The following TPO variants were observed in gnomAD, a reference collection of about 807,000 sequenced individuals.
TPO encodes the protein thyroid microsomal antigen.
A neutral mutation model predicts 96.9 loss-of-function variants in TPO; 78 were observed. That is an observed-to-expected ratio of 0.81 (90% confidence interval 0.67 to 0.97). The LOEUF (loss-of-function observed/expected upper bound fraction) is 0.97. Ranked by LOEUF, TPO falls within the 50% of genes least tolerant of loss-of-function variation. The probability of loss-of-function intolerance (pLI) is 0.00; values close to 1 mark genes in which losing one functional copy is unlikely to be tolerated. For synonymous variants in TPO, 547 were observed against 538.0 expected, an observed-to-expected ratio of 1.02 and a Z score of -0.23; for missense variants, 1,252 against 1,274.8, an observed-to-expected ratio of 0.98 and a Z score of 0.27.
chr2:1,534,527 ACT>A (rs201192215), intron 15 of TPO, among the ~76,000 whole-genome samples: 1 of 68,420 alleles, frequency 1.5e-5, no homozygotes, highest in South Asian at 6.5e-4. Flanking sequence ...AATCCCTCCC[ACT>A]CTGTGCAACC....
chr2:1,461,578 C>T (rs982865319), intron 7 of TPO, among the ~76,000 whole-genome samples: 1 of 152,100 alleles, frequency 6.6e-6, no homozygotes, highest in Non-Finnish European at 1.5e-5. Flanking sequence ...CCCCAGGGCC[C>T]CCTGCCCCAC....
At chr2:1,527,730 A>G (rs539390657) in intron 15 of TPO, among the ~76,000 whole-genome samples, 1 of 85,980 alleles carries the variant, frequency 1.2e-5, no homozygotes, top group African/African-American at 4.9e-5. Flanking sequence ...GTGCAACCTC[A>G]CCAAATTTCT....
chr2:1,504,464 G>A (rs1182783639), intron 14 of TPO, among the ~76,000 whole-genome samples: 2 of 152,174 alleles, frequency 1.3e-5, no homozygotes, highest in Non-Finnish European at 2.9e-5. Flanking sequence ...GCACCCGACT[G>A]CACCCTGACC....
intron 15 of TPO, among the ~76,000 whole-genome samples, chr2:1,523,442 C>T (rs1402152715): frequency 1.4e-5 from 2 of 146,006 alleles, no homozygotes; most frequent in Non-Finnish European, 3.0e-5. Context: ...CCCCAAATTA[C>T]CCCCACTGTG....
At chr2:1,485,875 G>A (rs28913275) in intron 9 of TPO, among the ~76,000 whole-genome samples, 2,251 of 152,048 alleles carry the variant, frequency 0.015, 54 homozygotes, top group African/African-American at 0.051. Flanking sequence ...CTCTGATAGT[G>A]GTTTCTATTG....
chr2:1,409,484 AAG>A (rs1195623636), upstream of TPO, among the ~76,000 whole-genome samples: 3 of 152,130 alleles, frequency 2.0e-5, no homozygotes, highest in Non-Finnish European at 4.4e-5. Flanking sequence ...GAGCTGTAAT[AAG>A]AGTTGGAAGA....
chr2:1,506,460 C>G (rs1335462390), intron 14 of TPO, among the ~76,000 whole-genome samples: 1 of 152,222 alleles, frequency 6.6e-6, no homozygotes, highest in Non-Finnish European at 1.5e-5. Flanking sequence ...AATCGCCACA[C>G]TGCCTTCCAC....
intron 3 of TPO, among the ~76,000 whole-genome samples, chr2:1,428,110 GA>G (rs1664615114): frequency 6.6e-6 from 1 of 152,170 alleles, no homozygotes; most frequent in Admixed American, 6.5e-5. Context: ...TCCCTAATTT[GA>G]GTTTGATTTT....
intron 15 of TPO, among the ~76,000 whole-genome samples, chr2:1,538,680 G>A (rs2125339578): frequency 6.6e-6 from 1 of 152,286 alleles, no homozygotes; most frequent in South Asian, 2.1e-4. Flanking sequence ...TTTTACTTGG[G>A]ATATTGAGAG....
At chr2:1,510,246 A>AGAG (rs1673960994) in intron 14 of TPO, among the ~76,000 whole-genome samples, 1 of 128,896 alleles carries the variant, frequency 7.8e-6, no homozygotes, top group Non-Finnish European at 1.6e-5. Flanking sequence ...ACATTCACAG[A>AGAG]GAGGAGCTCA....
chr2:1,395,178 C>T (rs1366914614), intron 1 of TPO, among the ~76,000 whole-genome samples: 1 of 152,176 alleles, frequency 6.6e-6, no homozygotes, highest in African/African-American at 2.4e-5. Flanking sequence ...GGCAGCTCCA[C>T]TCCCAGGTGT....
intron 3 of TPO, among the ~76,000 whole-genome samples, chr2:1,429,420 C>T (rs992392620): frequency 6.6e-5 from 10 of 152,116 alleles, no homozygotes; most frequent in African/African-American, 2.4e-4. Flanking sequence ...GTGAAAATGG[C>T]CTAACACAGA....
intron 1 of TPO, among the ~76,000 whole-genome samples, chr2:1,400,582 A>AG (rs1662151447): frequency 6.7e-6 from 1 of 148,434 alleles, no homozygotes; most frequent in African/African-American, 2.6e-5. Flanking sequence ...AAAAAAAAAA[A>AG]AAAAAAGAAA....
chr2:1,477,278 A>G lies in TPO; in HGVS notation c.1012A>G (p.Arg338Gly), dbSNP rs1188987237. 1 of 1,599,272 alleles carries G rather than the reference A, an allele frequency of 6.3e-7. No individual in the cohort carries two copies. The highest frequency in any genetic ancestry group is 1.3e-5 in the African/African-American group (1 of 74,922). The stretch of plus-strand genomic sequence containing the variant: ...GTATGGCAGCTCCCCGGCCCTAGAG[A>G]GGCAGCTGCGGAACTGGACCAGTGC... ...TVYGSSPALE[R>G]QLRNWTSAEG... The change falls in exon 8 of 17, where the codon AGG becomes GGG. Residue 338 changes from arginine (R) to glycine (G), a missense_variant. Physicochemically the swap from Arg to Gly is moderately radical, Grantham distance 125. Coordinates refer to ENST00000329066, the MANE Select transcript of TPO (RefSeq NM_001206744.2).
At position 1,477,601 on chromosome 2, in the gene TPO, C is replaced by A; in HGVS notation, c.1335C>A (p.His445Gln). Residue 445 changes from histidine to glutamine, a missense_variant, in exon 8 of 17, where the codon CAC becomes CAA. His to Gln is a conservative substitution (Grantham distance 24, BLOSUM62 0). Coordinates refer to ENST00000329066, the MANE Select transcript of TPO (RefSeq NM_001206744.2). The stretch of plus-strand genomic sequence containing the variant: ...CGCGCAAGGTCGTGGGCGCTCTGCA[C>A]CAGGTGCGCGGGGTGGTCCTGGGCG... ...QEARKVVGAL[H>Q]QIITLRDYIP... The A allele has an allele frequency of 6.6e-7, 1 of 1,524,474 alleles. No homozygotes were observed. The highest frequency in any genetic ancestry group is 8.8e-7 in the Non-Finnish European group (1 of 1,141,634). 94.4% of individuals were successfully genotyped at this position (1,524,474 alleles called of 1,614,324 possible). A position where few individuals can be genotyped will look rare whatever the true frequency, so the allele number is the denominator to read the frequency against.
At chr2:1,464,570 C>T (rs1044514522) in intron 7 of TPO, among the ~76,000 whole-genome samples, 5 of 152,166 alleles carry the variant, frequency 3.3e-5, no homozygotes, top group South Asian at 2.1e-4. Context: ...ATCTATTATT[C>T]GTTGATTTTT....
intron 3 of TPO, among the ~76,000 whole-genome samples, chr2:1,429,973 AG>A (rs1340949340): frequency 1.3e-5 from 2 of 152,240 alleles, no homozygotes; most frequent in African/African-American, 2.4e-5. Context: ...TCCTGTTTTC[AG>A]GGAAAGAATT....
At position 1,504,096 on chromosome 2, in the gene TPO, C is replaced by T; in HGVS notation, c.2518+17C>T. ...CCTGCGTAGGTGAGGCTGTTCCCCTCTCTCTCTGTCCGTCCATTTGCGAGT... is the reference window on the plus strand; with the variant it reads ...CCTGCGTAGGTGAGGCTGTTCCCCTTTCTCTCTGTCCGTCCATTTGCGAGT... On this transcript the variant is annotated intron_variant, in intron 14 of 16. Coordinates refer to ENST00000329066, the MANE Select transcript of TPO (RefSeq NM_001206744.2). 1 of 1,613,864 alleles carries T rather than the reference C, an allele frequency of 6.2e-7. No homozygotes were observed. Among genetic ancestry groups the T allele is most frequent in the Non-Finnish European group, 8.5e-7 (1 of 1,180,036 alleles).
intron 8 of TPO, among the ~76,000 whole-genome samples, chr2:1,478,511 G>A (rs921456132): frequency 1.3e-5 from 2 of 152,236 alleles, no homozygotes; most frequent in East Asian, 1.9e-4. Context: ...CGCCCCTGCC[G>A]CTTTCTGGCC....
Sources: gnomAD v4.1 joint callset for allele counts (sites outside exome capture counted in the v4.1 genomes callset) on GRCh38, gnomAD v4.1.1 for gene constraint, MANE v1.5 for transcripts, NCBI Gene and HGNC (gene_info 2026-07-23, HGNC 2026-07-21) for gene names.